The following MATN3 variants were observed in gnomAD, a reference collection of about 807,000 sequenced individuals.
MATN3 encodes the protein matrilin-3.
In MATN3, 48 loss-of-function variants were observed where a neutral mutation model predicts 45.3. That is an observed-to-expected ratio of 1.06 (90% CI 0.84 to 1.35). The LOEUF is 1.35. Ranked by LOEUF, MATN3 falls within the 40% of genes most tolerant of loss-of-function variation. The pLI is 0.00. For synonymous variants in MATN3, 217 were observed against 245.9 expected, an observed-to-expected ratio of 0.88 and a Z score of 1.10; for missense variants, 599 against 628.0, an observed-to-expected ratio of 0.95 and a Z score of 0.49.
intron 5 of MATN3, among the ~76,000 whole-genome samples, chr2:19,998,772 A>AT (rs1672928152): frequency 1.5e-5 from 2 of 133,230 alleles, no homozygotes; most frequent in African/African-American, 5.7e-5. Context: ...GAGAAGAAAA[A>AT]AAAATATATA....
intron 1 of MATN3, among the ~76,000 whole-genome samples, chr2:20,009,904 T>A (rs1441756168): frequency 6.6e-6 from 1 of 151,838 alleles, no homozygotes; most frequent in Non-Finnish European, 1.5e-5. Context: ...ACCAAACCAA[T>A]GTATTTCTTA....
At position 20,003,274 on chromosome 2, in the gene MATN3, C is replaced by T; in HGVS notation, c.803G>A (p.Cys268Tyr). Residue 268 changes from cysteine to tyrosine, a missense_variant, in exon 3 of 8, where the codon TGT becomes TAT. Physicochemically the swap from Cys to Tyr is radical, Grantham distance 194 (BLOSUM62 -2). Coordinates refer to ENST00000407540, the MANE Select transcript of MATN3 (RefSeq NM_002381.5). ...FQETFCALDP[C>Y]VLGTHQCQHV... ...CTGGCACTGGTGTGTTCCAAGCACA[C>T]AGGGGTCCAGCGCTGTGAGAGGAAG... 6.2e-7 allele frequency: 1 copy of T among 1,613,518 alleles called. No homozygotes were observed. Among genetic ancestry groups the T allele is most frequent in the Non-Finnish European group, 8.5e-7 (1 of 1,179,578 alleles).
chr2:20,009,399 T>C (rs1673173902), intron 1 of MATN3, among the ~76,000 whole-genome samples: 1 of 151,980 alleles, frequency 6.6e-6, no homozygotes, highest in Non-Finnish European at 1.5e-5. Context: ...AGACACCACA[T>C]GTTCTCACTC....
chr2:19,993,271 G>A, intron 7 of MATN3, 105 bp from the exon 8 acceptor site: 7 of 884,160 alleles, frequency 7.9e-6, no homozygotes, highest in Middle Eastern at 3.2e-4. Flanking sequence ...TATGAGAAGT[G>A]AAAAAAAAGA....
chr2:20,009,672 A>C (rs1235690234), intron 1 of MATN3, among the ~76,000 whole-genome samples: 2 of 152,196 alleles, frequency 1.3e-5, no homozygotes, highest in Non-Finnish European at 2.9e-5. Flanking sequence ...AAAAGATCTG[A>C]ATAGGAAACA....
chr2:20,000,990 G>A (rs187698571), intron 4 of MATN3, among the ~76,000 whole-genome samples: 54 of 152,274 alleles, frequency 3.5e-4, no homozygotes, highest in Admixed American at 3.9e-4. Context: ...AAAGGAGCGC[G>A]AGGGAGACCA....
intron 3 of MATN3, 150 bp from the exon 4 acceptor site, chr2:20,002,230 GAA>G (rs1673000169): frequency 9.2e-6 from 6 of 649,086 alleles, no homozygotes; most frequent in African/African-American, 1.9e-5. Context: ...TGGGAGTTGG[GAA>G]CCAACCCTCC....
At chr2:20,000,992 G>A (rs901703603) in intron 4 of MATN3, among the ~76,000 whole-genome samples, 1 of 152,148 alleles carries the variant, frequency 6.6e-6, no homozygotes, top group Non-Finnish European at 1.5e-5. Flanking sequence ...AGGAGCGCGA[G>A]GGAGACCATT....
At chr2:20,005,706 C>A in intron 2 of MATN3, 38 bp downstream of exon 2, 1 of 1,440,852 alleles carries the variant, frequency 6.9e-7, no homozygotes, top group Non-Finnish European at 9.4e-7. Flanking sequence ...CTGAATATAA[C>A]ATCCTTTCTA....
chr2:20,003,312 A>C, intron 2 of MATN3, 26 bp from the exon 3 acceptor site: 7 of 1,584,088 alleles, frequency 4.4e-6, no homozygotes, highest in Non-Finnish European at 6.0e-6. Flanking sequence ...TACAACAGTC[A>C]GCACTGACAC....
chr2:20,009,656 T>C (rs1276584027), intron 1 of MATN3, among the ~76,000 whole-genome samples: 1 of 152,122 alleles, frequency 6.6e-6, no homozygotes, highest in East Asian at 1.9e-4. Context: ...TAATAATAAT[T>C]TTTTAAAAAG....
rs1672787222 is a variant in MATN3, at chr2:19,992,928, C to T, written c.*183G>A. 1.7e-6 allele frequency: 1 copy of T among 596,390 alleles called. No homozygotes were observed. The highest frequency in any genetic ancestry group is 2.2e-5 in the South Asian group (1 of 46,142). The allele number at this position is 596,390 out of a possible 1,614,324, so 36.9% of individuals were successfully genotyped here. On this transcript the variant is annotated 3_prime_UTR_variant, in exon 8 of 8. Coordinates refer to ENST00000407540, the MANE Select transcript of MATN3 (RefSeq NM_002381.5). ...TAATAAGTATCTGCATATGTATTTCCTTGGAAGAATCATGCTGATTCTGCA... is the reference window on the plus strand; with the variant it reads ...TAATAAGTATCTGCATATGTATTTCTTTGGAAGAATCATGCTGATTCTGCA...
intron 3 of MATN3, among the ~76,000 whole-genome samples, chr2:20,002,748 C>CA (rs1558373008): frequency 6.6e-6 from 1 of 151,698 alleles, no homozygotes; most frequent in East Asian, 1.9e-4. Context: ...TACAGGCATG[C>CA]ACCACCACAC....
At chr2:19,996,209 T>C (rs1266493524) in intron 6 of MATN3, among the ~76,000 whole-genome samples, 1 of 152,044 alleles carries the variant, frequency 6.6e-6, no homozygotes, top group Non-Finnish European at 1.5e-5. Context: ...AATTGAAAGT[T>C]GAGAAATGGA....
rs2103477565 is a variant in MATN3 at position 19,993,133 on chromosome 2, T to A, written c.1439A>T (p.Glu480Val). ...AATTTAACGATGTATTTGTCCATATTCATTTATTTTCAACTTCTCCAAAAT... is the reference window on the plus strand; with the variant it reads ...AATTTAACGATGTATTTGTCCATATACATTTATTTTCAACTTCTCCAAAAT... ...DDILEKLKIN[E>V]YGQIHR The change falls in exon 8 of 8, where the codon GAA becomes GTA. Residue 480 changes from glutamate to valine, a missense_variant. Transcript: ENST00000407540. The A allele has an allele frequency of 6.2e-7, 1 of 1,612,836 alleles. No individual in the cohort carries two copies. Among genetic ancestry groups the A allele is most frequent in the African/African-American group, 1.3e-5 (1 of 75,028 alleles).
chr2:19,998,838 C>T (rs1176593925), intron 5 of MATN3, among the ~76,000 whole-genome samples: 1 of 152,110 alleles, frequency 6.6e-6, no homozygotes, highest in Admixed American at 6.6e-5. Context: ...TCTTCACTGT[C>T]CTGTGCTTTG....
rs1340669792 is a variant in MATN3, at chr2:20,000,581, G to A, written c.1043-15C>T. 2.5e-6 allele frequency: 4 copies of A among 1,602,666 alleles called. No individual in the cohort carries two copies. The highest frequency in any genetic ancestry group is 3.4e-6 in the Non-Finnish European group (4 of 1,176,452). ...TTTATCTTGAGCTGTGAAACAAAAA[G>A]TCAGGAGAAAAGAAATAGAAGGTGG... On this transcript the variant is annotated splice_polypyrimidine_tract_variant and intron_variant, in intron 4 of 7. Coordinates refer to ENST00000407540, the MANE Select transcript of MATN3 (RefSeq NM_002381.5).
chr2:20,010,064 T>TCCAAAAAAAAAAAA (rs1247085339), intron 1 of MATN3, among the ~76,000 whole-genome samples: 29 of 10,768 alleles, frequency 2.7e-3, no homozygotes, highest in South Asian at 5.1e-3. Flanking sequence ...TCTCTTCAAA[T>TCCAAAAAAAAAAAA]ACTAAAAAAA....
intron 5 of MATN3, among the ~76,000 whole-genome samples, chr2:19,998,969 AG>A (rs1672932315): frequency 6.6e-6 from 1 of 152,048 alleles, no homozygotes; most frequent in Non-Finnish European, 1.5e-5. Context: ...TTACTGAATC[AG>A]TTTCCTCCTA....
Sources: allele counts gnomAD v4.1 joint callset (sites outside exome capture counted in the v4.1 genomes callset), GRCh38; gene constraint gnomAD v4.1.1; transcripts MANE v1.5; gene names NCBI Gene and HGNC (gene_info 2026-07-23, HGNC 2026-07-21).